Variants in ZNF331 observed in about 807,000 individuals in gnomAD.
The protein encoded by ZNF331 is zinc finger protein 331.
Under a neutral mutation model 7.0 loss-of-function variants are expected in ZNF331, and 2 were observed. That is an observed-to-expected ratio of 0.29 (90% CI 0.12 to 0.90). The LOEUF is 0.90. Ranked by LOEUF, ZNF331 falls within the 40% of genes least tolerant of loss-of-function variation. The pLI is 0.58. For missense variants in ZNF331, 432 were observed against 587.7 expected (o/e 0.74, Z 2.74); for synonymous variants, 196 against 205.4 (o/e 0.95, Z 0.39).
In ZNF331 at chr19:53,556,826, G is replaced by A. The variant is rs539406502; in HGVS notation, c.-74+918G>A. On this transcript the variant is annotated intron_variant, in intron 3 of 5. Coordinates refer to ENST00000449416, the MANE Select transcript of ZNF331 (RefSeq NM_001079906.2). ...CTGTATATTTTTATTTTTATTTTGAGACGGGGTCTCGCTTTGTCATCCAGG... is the reference window on the plus strand; with the variant it reads ...CTGTATATTTTTATTTTTATTTTGAAACGGGGTCTCGCTTTGTCATCCAGG... Among the ~76,000 whole-genome samples the A allele has an allele frequency of 4.0e-5, 6 of 151,742 alleles. No homozygotes were observed. In the South Asian group the frequency reaches 1.3e-3, roughly 32 times the overall value.
chr19:53,524,464 T>C (rs6509785), intron 2 of ZNF331, among the ~76,000 whole-genome samples: 52,057 of 150,524 alleles, frequency 0.35, 9,583 homozygotes, highest in African/African-American at 0.49. Flanking sequence ...TTCTAACTGG[T>C]GTGAGATGGT....
intron 2 of ZNF331, among the ~76,000 whole-genome samples, chr19:53,528,570 A>C (rs556573443): frequency 4.6e-5 from 7 of 152,234 alleles, no homozygotes; most frequent in Non-Finnish European, 1.0e-4. Flanking sequence ...AGAGTTCAGA[A>C]TCACACCCTG....
At chr19:53,514,029 T>C in the ZNF331 span, among the ~76,000 whole-genome samples, 2 of 152,236 alleles carry the variant, frequency 1.3e-5, no homozygotes, top group Non-Finnish European at 2.9e-5. Flanking sequence ...TGGTTTAACA[T>C]ATTTTCTCCC....
intron 2 of ZNF331, among the ~76,000 whole-genome samples, chr19:53,540,462 T>C (rs2088073630): frequency 6.6e-6 from 1 of 150,850 alleles, no homozygotes; most frequent in Non-Finnish European, 1.5e-5. Flanking sequence ...AGATGGAGGC[T>C]TGCTCTGTTG....
chr19:53,545,297 G>T (rs1309192383), intron 2 of ZNF331, among the ~76,000 whole-genome samples: 1 of 152,124 alleles, frequency 6.6e-6, no homozygotes, highest in East Asian at 1.9e-4. Flanking sequence ...TTAAGGGCCC[G>T]CACTATGCCA....
chr19:53,544,650 T>C (rs574724914), intron 2 of ZNF331, among the ~76,000 whole-genome samples: 3 of 152,300 alleles, frequency 2.0e-5, no homozygotes, highest in South Asian at 4.2e-4. Flanking sequence ...TTTTTCGTTG[T>C]TGAAACTGTA....
At chr19:53,552,525 C>T (rs1046442906) in intron 2 of ZNF331, among the ~76,000 whole-genome samples, 14 of 151,648 alleles carry the variant, frequency 9.2e-5, no homozygotes, top group African/African-American at 3.4e-4. Flanking sequence ...CAAGGCCAGC[C>T]TGGGCAGCAT....
intron 2 of ZNF331, among the ~76,000 whole-genome samples, chr19:53,549,117 A>G (rs1232685493): frequency 6.6e-6 from 1 of 152,028 alleles, no homozygotes. Flanking sequence ...ATTTTTCTCT[A>G]TGAAGTAAAA....
chr19:53,577,314 T>C lies in ZNF331; in HGVS notation c.754T>C (p.Phe252Leu). ...DYECKDCGKTFSRVYKLIQHK... is the reference protein window; with the variant it reads ...DYECKDCGKTLSRVYKLIQHK... ...CGAATGCAAAGACTGTGGGAAGACCTTTAGCCGTGTGTATAAACTTATTCA... is the reference window on the plus strand; with the variant it reads ...CGAATGCAAAGACTGTGGGAAGACCCTTAGCCGTGTGTATAAACTTATTCA... Residue 252 changes from phenylalanine to leucine, a missense_variant, in exon 6 of 6, where the codon TTT becomes CTT. This residue lies in a region of ZNF331 where 312 missense variants were observed against 448.6 expected (regional missense o/e 0.70). Transcript: ENST00000449416. The C allele has an allele frequency of 6.2e-7, 1 of 1,613,752 alleles. No homozygotes were observed. The highest frequency in any genetic ancestry group is 8.5e-7 in the Non-Finnish European group (1 of 1,179,946).
intron 4 of ZNF331, among the ~76,000 whole-genome samples, chr19:53,569,700 C>T (rs992159647): frequency 2.0e-5 from 3 of 152,188 alleles, no homozygotes; most frequent in South Asian, 2.1e-4. Flanking sequence ...ATGTTGGTCC[C>T]ATCTGACCAC....
intron 2 of ZNF331, among the ~76,000 whole-genome samples, chr19:53,543,037 G>T (rs1212430334): frequency 6.6e-6 from 1 of 152,090 alleles, no homozygotes; most frequent in Non-Finnish European, 1.5e-5. Flanking sequence ...TTGAACTCCC[G>T]ACCTCAGGTG....
At position 53,549,247 on chromosome 19, in the gene ZNF331, A is replaced by G. The variant is rs941337318; in HGVS notation, c.-137-6598A>G. 2.0e-5 allele frequency among the ~76,000 whole-genome samples: 3 copies of G among 152,292 alleles called. No individual in the cohort carries two copies. In the East Asian group the frequency reaches 5.8e-4, roughly 29 times the overall value. ...CACCTTTGTCAAAGATCAGTTGACC[A>G]TGAGTTTGGATTTGTTTCTGAGCTC... On this transcript the variant is annotated intron_variant, in intron 2 of 5. Transcript: ENST00000449416.
intron 2 of ZNF331, among the ~76,000 whole-genome samples, chr19:53,546,438 C>T (rs1205182274): frequency 6.6e-6 from 1 of 151,980 alleles, no homozygotes; most frequent in Non-Finnish European, 1.5e-5. Flanking sequence ...CCCTGGTTGA[C>T]CAGCCCTCTC....
chr19:53,546,385 G>A (rs1330586081), intron 2 of ZNF331, among the ~76,000 whole-genome samples: 1 of 152,012 alleles, frequency 6.6e-6, no homozygotes. Context: ...TTCCTCCCCA[G>A]GGGATGTGGC....
chr19:53,572,601 CACAT>C (rs2090510371), intron 5 of ZNF331, among the ~76,000 whole-genome samples: 1 of 62,040 alleles, frequency 1.6e-5, no homozygotes, highest in East Asian at 2.7e-4. Context: ...ATTATATATA[CACAT>C]ATATATTATA....
chr19:53,506,720 C>A, the ZNF331 span, among the ~76,000 whole-genome samples: 1 of 152,126 alleles, frequency 6.6e-6, no homozygotes, highest in Non-Finnish European at 1.5e-5. Flanking sequence ...GTCTTTTGTG[C>A]TAATTCAATG....
rs1568563350 is a variant in ZNF331, at chr19:53,579,883, A to G, written c.*1931A>G. 4.9e-6 allele frequency: 1 copy of G among 202,358 alleles called. No individual in the cohort carries two copies. The highest frequency in any genetic ancestry group is 1.9e-4 in the South Asian group (1 of 5,270). The allele number at this position is 202,358 out of a possible 1,614,324, so 12.5% of individuals were successfully genotyped here. Reference sequence around the variant, plus strand: ...TGACAAAGGAACTCTCATAGAAAATATAAAGAATCCCTCAAGTTGAAAAAA... The same window carrying G: ...TGACAAAGGAACTCTCATAGAAAATGTAAAGAATCCCTCAAGTTGAAAAAA... On this transcript the variant is annotated 3_prime_UTR_variant, in exon 6 of 6. Transcript: ENST00000449416.
intron 3 of ZNF331, among the ~76,000 whole-genome samples, chr19:53,559,455 T>C (rs552575290): frequency 0.012 from 1,643 of 139,888 alleles, 13 homozygotes; most frequent in Middle Eastern, 0.031. Flanking sequence ...TATACACACA[T>C]ATATACACAC....
intron 2 of ZNF331, among the ~76,000 whole-genome samples, chr19:53,523,709 G>C (rs899724967): frequency 6.6e-6 from 1 of 152,014 alleles, no homozygotes; most frequent in Non-Finnish European, 1.5e-5. Context: ...TCATTTGTCT[G>C]TTAGCCACCA....
Sources: allele counts gnomAD v4.1 joint callset (sites outside exome capture counted in the v4.1 genomes callset), GRCh38; gene constraint gnomAD v4.1.1; regional missense constraint gnomAD v4.1.1; transcripts MANE v1.5; gene names NCBI Gene and HGNC (gene_info 2026-07-23, HGNC 2026-07-21).